The following LRRTM4 variants were observed in gnomAD, a reference collection of about 807,000 sequenced individuals.
The protein encoded by LRRTM4 is leucine rich repeat transmembrane neuronal 4.
Under a neutral mutation model 47.6 loss-of-function variants are expected in LRRTM4, and 25 were observed. The observed-to-expected ratio is 0.53, with a 90% CI of 0.38 to 0.73. LRRTM4 has a LOEUF of 0.73. Among genes scored for constraint, LRRTM4 ranks in the 30% least tolerant of loss-of-function variants. LRRTM4 has a pLI of 0.00. For synonymous variants in LRRTM4, 311 were observed against 269.5 expected, an observed-to-expected ratio of 1.15 and a Z score of -1.51; for missense variants, 638 against 713.4, an observed-to-expected ratio of 0.89 and a Z score of 1.20.
At chr2:77,175,543 C>G (rs971698332) in intron 3 of LRRTM4, among the ~76,000 whole-genome samples, 1 of 152,106 alleles carries the variant, frequency 6.6e-6, no homozygotes, top group Non-Finnish European at 1.5e-5. Flanking sequence ...TCCATTATCT[C>G]AAGCAGCAGA....
In LRRTM4 at chr2:77,040,972, AC is replaced by A. The variant is rs572118924; in HGVS notation, c.1552-292057del. Among the ~76,000 whole-genome samples the A allele has an allele frequency of 1.5e-3, 223 of 151,562 alleles. 1 individual carries two copies. The highest frequency in any genetic ancestry group is 0.014 in the Middle Eastern group (4 of 294). ...CTCTATTGTAGCTATTTTGAAATAC[AC>A]ATTATTATAATTATAGTCATCCTAT... On this transcript the variant is annotated intron_variant, in intron 3 of 3. Transcript: ENST00000409884.
Position 77,108,625 on chromosome 2 carries a change from C to T in LRRTM4, c.1552-359709G>A, listed in dbSNP as rs1469399998. ...TTGAGACGGAGTCTCGCTCTGTCGC[C>T]CAGGCTGGAGTGCAGTGGCGGGATC... is the stretch of plus-strand genomic sequence containing the variant. On this transcript the variant is annotated intron_variant, in intron 3 of 3. Coordinates refer to ENST00000409884, the MANE Select transcript of LRRTM4 (RefSeq NM_001134745.3). 6.0e-5 allele frequency among the ~76,000 whole-genome samples: 9 copies of T among 149,966 alleles called. No individual in the cohort carries two copies. The South Asian group carries it at 1.7e-3, about 28-fold the overall frequency.
chr2:77,441,131 C>G (rs562814226), intron 3 of LRRTM4, among the ~76,000 whole-genome samples: 1 of 152,236 alleles, frequency 6.6e-6, no homozygotes, highest in Admixed American at 6.5e-5. Flanking sequence ...TCCTATCACA[C>G]CATGAATTGA....
At chr2:77,472,227 C>T (rs527834191) in intron 3 of LRRTM4, among the ~76,000 whole-genome samples, 38 of 152,134 alleles carry the variant, frequency 2.5e-4, no homozygotes, top group African/African-American at 8.2e-4. Context: ...ATGTACCTGA[C>T]GGAGAAAATA....
rs187696465 is a variant in LRRTM4 at position 77,149,993 on chromosome 2, T to C, written c.1551+368325A>G. On this transcript the variant is annotated intron_variant, in intron 3 of 3. Coordinates refer to ENST00000409884, the MANE Select transcript of LRRTM4 (RefSeq NM_001134745.3). ...TTGTTTCTCTAGGCAAGGCTGAAAA[T>C]GTGTACTTATTCCTCATTAATTTGT... 3.9e-4 allele frequency among the ~76,000 whole-genome samples: 60 copies of C among 152,268 alleles called. No homozygotes were observed. In the East Asian group the frequency reaches 8.9e-3, roughly 23 times the overall value.
chr2:77,245,667 CA>C (rs1254909761), intron 3 of LRRTM4, among the ~76,000 whole-genome samples: 1 of 151,174 alleles, frequency 6.6e-6, no homozygotes, highest in African/African-American at 2.4e-5. Flanking sequence ...AAGCAACTTG[CA>C]TTTTTTCTTT....
intron 3 of LRRTM4, among the ~76,000 whole-genome samples, chr2:76,980,227 G>T (rs1265237968): frequency 6.6e-6 from 1 of 152,066 alleles, no homozygotes; most frequent in Non-Finnish European, 1.5e-5. Flanking sequence ...GAGAAATGGA[G>T]AAAGTAGTCT....
At chr2:76,909,550 A>G (rs1035935641) in intron 3 of LRRTM4, among the ~76,000 whole-genome samples, 24 of 152,086 alleles carry the variant, frequency 1.6e-4, no homozygotes, top group African/African-American at 5.3e-4. Flanking sequence ...CATCAGAGTG[A>G]ACAGGCAACC....
chr2:77,137,870 G>C (rs1030952573), intron 3 of LRRTM4, among the ~76,000 whole-genome samples: 1 of 152,094 alleles, frequency 6.6e-6, no homozygotes, highest in African/African-American at 2.4e-5. Context: ...GATCAAAAGA[G>C]ACAAAGAAGG....
In LRRTM4 at chr2:76,775,717, T is replaced by G. The variant is rs897949807; in HGVS notation, c.1552-26801A>C. Among the ~76,000 whole-genome samples, 2 of 152,170 alleles carry G rather than the reference T, an allele frequency of 1.3e-5. 1 individual carries two copies. Among genetic ancestry groups the G allele is most frequent in the Admixed American group, 1.3e-4 (2 of 15,278 alleles). The stretch of plus-strand genomic sequence containing the variant: ...ACAGTGGAGTTAGCCTATCCCTTCC[T>G]ATGTTAAATCTTGGTGCTCATTTCT... On this transcript the variant is annotated intron_variant, in intron 3 of 3. Transcript: ENST00000409884.
intron 3 of LRRTM4, among the ~76,000 whole-genome samples, chr2:76,982,387 G>C (rs1056998425): frequency 1.3e-5 from 2 of 151,906 alleles, no homozygotes; most frequent in Non-Finnish European, 2.9e-5. Context: ...TTTTACTTTT[G>C]GGCAATCAGG....
intron 3 of LRRTM4, among the ~76,000 whole-genome samples, chr2:77,144,688 G>T (rs1270084891): frequency 6.6e-6 from 1 of 152,156 alleles, no homozygotes; most frequent in Non-Finnish European, 1.5e-5. Context: ...TTAGAAGAGA[G>T]TCATAAATGT....
chr2:77,362,557 A>C (rs1331611621), intron 3 of LRRTM4, among the ~76,000 whole-genome samples: 3 of 152,160 alleles, frequency 2.0e-5, no homozygotes, highest in Non-Finnish European at 4.4e-5. Context: ...ATCTGTTCAG[A>C]TATCATCCTA....
At chr2:77,476,767 C>A (rs1677405999) in intron 3 of LRRTM4, among the ~76,000 whole-genome samples, 1 of 151,922 alleles carries the variant, frequency 6.6e-6, no homozygotes, top group African/African-American at 2.4e-5. Flanking sequence ...GAACAATTTA[C>A]TACAGTATAT....
intron 3 of LRRTM4, among the ~76,000 whole-genome samples, chr2:76,849,053 C>A (rs1671916683): frequency 1.3e-5 from 2 of 152,018 alleles, no homozygotes; most frequent in East Asian, 3.9e-4. Flanking sequence ...CCCTATCTTT[C>A]CTTCAGGTAC....
At chr2:77,469,186 A>T (rs1172142708) in intron 3 of LRRTM4, among the ~76,000 whole-genome samples, 1 of 152,240 alleles carries the variant, frequency 6.6e-6, no homozygotes, top group Admixed American at 6.5e-5. Flanking sequence ...TGGGGAAAGC[A>T]GTCAGACTGC....
At chr2:76,987,087 T>C (rs541791084) in intron 3 of LRRTM4, among the ~76,000 whole-genome samples, 16 of 152,082 alleles carry the variant, frequency 1.1e-4, no homozygotes, top group African/African-American at 3.6e-4. Context: ...AAGAATGATA[T>C]GGGTTAGGAA....
At chr2:77,395,503 T>C (rs1339254331) in intron 3 of LRRTM4, among the ~76,000 whole-genome samples, 1 of 151,976 alleles carries the variant, frequency 6.6e-6, no homozygotes, top group Non-Finnish European at 1.5e-5. Flanking sequence ...ATTTAGCTAG[T>C]TTTGGTTGTG....
intron 3 of LRRTM4, among the ~76,000 whole-genome samples, chr2:76,791,828 G>A (rs936929016): frequency 5.9e-5 from 9 of 152,116 alleles, no homozygotes; most frequent in African/African-American, 2.2e-4. Context: ...AGGAAATCAA[G>A]TCAAAACATT....
Sources: gnomAD v4.1 joint callset for allele counts (sites outside exome capture counted in the v4.1 genomes callset) on GRCh38, gnomAD v4.1.1 for gene constraint, MANE v1.5 for transcripts, NCBI Gene and HGNC (gene_info 2026-07-23, HGNC 2026-07-21) for gene names.